The following DNAJC13 variants were observed in gnomAD, a reference collection of about 807,000 sequenced individuals.
DNAJC13 encodes the protein DnaJ heat shock protein family (Hsp40) member C13, also known as dnaJ homolog subfamily C member 13.
A neutral mutation model predicts 290.5 loss-of-function variants in DNAJC13; 75 were observed. The ratio of observed to expected loss-of-function variants is 0.26; its 90% CI spans 0.21 to 0.31. The LOEUF (loss-of-function observed/expected upper bound fraction) is 0.31, where lower values mean the gene tolerates loss of function less well. DNAJC13 is among the 10% of genes least tolerant of loss of function. The probability of loss-of-function intolerance (pLI) is 1.00; values close to 1 mark genes in which losing one functional copy is unlikely to be tolerated. For missense variants in DNAJC13, 2,260 were observed against 2,674.5 expected (o/e 0.85, Z 3.42); for synonymous variants, 862 against 892.0 (o/e 0.97, Z 0.60).
chr3:132,442,736 G>A (rs1002989139), intron 2 of DNAJC13, among the ~76,000 whole-genome samples: 1 of 152,118 alleles, frequency 6.6e-6, no homozygotes, highest in African/African-American at 2.4e-5. Context: ...CTTGTGAGTT[G>A]TGATAACTTA....
intron 1 of DNAJC13, among the ~76,000 whole-genome samples, chr3:132,424,783 G>C (rs1236272517): frequency 6.6e-6 from 1 of 151,980 alleles, no homozygotes; most frequent in Non-Finnish European, 1.5e-5. Flanking sequence ...TAAGATGGTA[G>C]GTACTAAAAT....
chr3:132,430,903 C>T (rs1939223418), intron 1 of DNAJC13, among the ~76,000 whole-genome samples: 2 of 152,288 alleles, frequency 1.3e-5, no homozygotes, highest in South Asian at 4.1e-4. Context: ...AAACACCATA[C>T]CAACTGTCAG....
chr3:132,518,130 A>G (rs187484668), intron 48 of DNAJC13, among the ~76,000 whole-genome samples: 11 of 152,334 alleles, frequency 7.2e-5, no homozygotes, highest in Admixed American at 7.2e-4. Flanking sequence ...ACATATGTAT[A>G]CATGTGCCAT....
At chr3:132,474,634 C>T (rs1346799522) in intron 21 of DNAJC13, among the ~76,000 whole-genome samples, 1 of 149,736 alleles carries the variant, frequency 6.7e-6, no homozygotes, top group Non-Finnish European at 1.5e-5. Flanking sequence ...AGATTTGTTT[C>T]ATAGTTTAGG....
chr3:132,469,963 C>CTTTTTTTTTTTTTTTTTTTT (rs61726289), intron 20 of DNAJC13, among the ~76,000 whole-genome samples: 59 of 61,144 alleles, frequency 9.6e-4, no homozygotes, highest in Non-Finnish European at 1.4e-3. Context: ...AGCAGAGATT[C>CTTTTTTTTTTTTTTTTTTTT]TTTTTTTTTT....
intron 13 of DNAJC13, chr3:132,458,343 C>G (rs1056388384): frequency 1.3e-5 from 2 of 152,148 alleles, no homozygotes; most frequent in Admixed American, 1.3e-4. Context: ...TAAAACCTTG[C>G]ATTCCCAAAA....
At chr3:132,437,574 C>A (rs1230233823) in intron 2 of DNAJC13, among the ~76,000 whole-genome samples, 1 of 152,156 alleles carries the variant, frequency 6.6e-6, no homozygotes, top group East Asian at 1.9e-4. Context: ...AAAAACTGTT[C>A]TTTCCACTTG....
At chr3:132,476,819 G>C (rs1934489060) in intron 22 of DNAJC13, among the ~76,000 whole-genome samples, 1 of 152,126 alleles carries the variant, frequency 6.6e-6, no homozygotes, top group South Asian at 2.1e-4. Flanking sequence ...CAGATCTTTT[G>C]AATGTCGTTA....
chr3:132,528,182 C>T lies in DNAJC13; in HGVS notation c.6382-7C>T, dbSNP rs768062453. The T allele has an allele frequency of 1.2e-6, 2 of 1,613,620 alleles. No homozygotes were observed. The highest frequency in any genetic ancestry group is 1.7e-6 in the Non-Finnish European group (2 of 1,179,802). ...GTGTGTTTATATATGCTTAATATTT[C>T]TTCTAGGCCCTGAAAGCAGATTTGG... On this transcript the variant is annotated splice_region_variant and splice_polypyrimidine_tract_variant and intron_variant, in intron 53 of 55. Coordinates refer to ENST00000260818, the MANE Select transcript of DNAJC13 (RefSeq NM_015268.4).
intron 1 of DNAJC13, among the ~76,000 whole-genome samples, chr3:132,427,384 G>T (rs960221523): frequency 6.6e-6 from 1 of 152,002 alleles, no homozygotes; most frequent in African/African-American, 2.4e-5. Flanking sequence ...CGATCTGCCT[G>T]CATTGGCCTC....
chr3:132,424,429 A>G (rs1939039517), intron 1 of DNAJC13, among the ~76,000 whole-genome samples: 1 of 152,136 alleles, frequency 6.6e-6, no homozygotes, highest in African/African-American at 2.4e-5. Context: ...TATGGTAAGT[A>G]TGCTTGTCCC....
intron 12 of DNAJC13, 135 bp from the exon 13 acceptor site, chr3:132,457,134 A>G: frequency 1.4e-6 from 1 of 736,714 alleles, no homozygotes; most frequent in Non-Finnish European, 2.2e-6. Context: ...GAAGACTGAT[A>G]AATTTCAGAG....
chr3:132,521,137 G>C (rs1195668114), intron 48 of DNAJC13, among the ~76,000 whole-genome samples: 1 of 152,154 alleles, frequency 6.6e-6, no homozygotes, highest in Admixed American at 6.6e-5. Flanking sequence ...AGTGACTCAT[G>C]CCTGTAATCC....
At position 132,490,924 on chromosome 3, in the gene DNAJC13, A is replaced by G. The variant is rs1935041666; in HGVS notation, c.3496A>G (p.Ser1166Gly). 6.2e-7 allele frequency: 1 copy of G among 1,603,100 alleles called. No individual in the cohort carries two copies. Residue 1166 changes from serine (S) to glycine (G), a missense_variant, in exon 32 of 56, where the codon AGT becomes GGT. Ser to Gly is a moderately conservative substitution (Grantham distance 56, BLOSUM62 0). Coordinates refer to ENST00000260818, the MANE Select transcript of DNAJC13 (RefSeq NM_015268.4). ...AAAAGGACAAGATATTTTTCAGAGA[A>G]GTATACTTGGGCACATTCTACCTGA... ...ETKGQDIFQR[S>G]ILGHILPEAM...
At chr3:132,501,019 A>G in intron 39 of DNAJC13, 106 bp downstream of exon 39, 1 of 1,358,584 alleles carries the variant, frequency 7.4e-7, no homozygotes, top group Non-Finnish European at 1.0e-6. Context: ...AGTTATTTGT[A>G]AGTAAAATTA....
intron 28 of DNAJC13, chr3:132,484,229 A>G: frequency 3.3e-6 from 1 of 304,664 alleles, no homozygotes; most frequent in Non-Finnish European, 6.4e-6. Flanking sequence ...AATACCAAAC[A>G]TAGTTAAATC....
At chr3:132,536,534 T>A (rs2107761142) in intron 55 of DNAJC13, among the ~76,000 whole-genome samples, 1 of 152,348 alleles carries the variant, frequency 6.6e-6, no homozygotes, top group Middle Eastern at 3.4e-3. Context: ...AACCTACTAT[T>A]TTGATGGGAA....
intron 55 of DNAJC13, among the ~76,000 whole-genome samples, chr3:132,536,294 G>C (rs1456801486): frequency 6.6e-6 from 1 of 152,150 alleles, no homozygotes; most frequent in Non-Finnish European, 1.5e-5. Flanking sequence ...AGTAGGCTGG[G>C]GTGGGAAGAT....
At chr3:132,471,617 G>A (rs1381748083) in intron 20 of DNAJC13, among the ~76,000 whole-genome samples, 1 of 137,240 alleles carries the variant, frequency 7.3e-6, no homozygotes, top group Non-Finnish European at 1.6e-5. Flanking sequence ...GGGGCGGCAG[G>A]GCAGAGGCGC....
Sources: allele counts gnomAD v4.1 joint callset (sites outside exome capture counted in the v4.1 genomes callset), GRCh38; gene constraint gnomAD v4.1.1; transcripts MANE v1.5; gene names NCBI Gene and HGNC (gene_info 2026-07-23, HGNC 2026-07-21).